DCC: variants seen among roughly 807,000 people sequenced by gnomAD.
DCC encodes netrin receptor DCC.
In DCC, 58 loss-of-function variants were observed where a neutral mutation model predicts 172.5. The ratio of observed to expected loss-of-function variants is 0.34; its 90% CI spans 0.27 to 0.42. The LOEUF (loss-of-function observed/expected upper bound fraction) is 0.42. Among genes scored for constraint, DCC ranks in the 10% least tolerant of loss-of-function variants. The pLI is 1.00. For missense variants in DCC, 1,740 were observed against 1,791.0 expected (o/e 0.97, Z 0.51); for synonymous variants, 709 against 644.5 (o/e 1.10, Z -1.52).
chr18:53,111,966 A>G (rs1314179833), intron 7 of DCC, among the ~76,000 whole-genome samples: 3 of 151,630 alleles, frequency 2.0e-5, no homozygotes, highest in Non-Finnish European at 4.4e-5. Flanking sequence ...AAAAAAGAGA[A>G]GAAAACACCC....
In DCC at chr18:52,879,462, C is replaced by A. The variant is rs11082955; in HGVS notation, c.413-26582C>A. Among the ~76,000 whole-genome samples the A allele has an allele frequency of 6.1e-5, 8 of 131,670 alleles. No homozygotes were observed. In the East Asian group the frequency reaches 7.3e-4, roughly 12 times the overall value. 86.4% of individuals were successfully genotyped at this position (131,670 alleles called of 152,430 possible). The stretch of plus-strand genomic sequence containing the variant: ...TTTTTGAGATGGAGTTTCACTCTGC[C>A]GCCCAGGCTGGAGTGCAGTGGCACG... On this transcript the variant is annotated intron_variant, in intron 2 of 28. Coordinates refer to ENST00000442544, the MANE Select transcript of DCC (RefSeq NM_005215.4).
At chr18:52,406,701 A>G (rs1323012924) in intron 1 of DCC, among the ~76,000 whole-genome samples, 1 of 152,102 alleles carries the variant, frequency 6.6e-6, no homozygotes, top group African/African-American at 2.4e-5. Context: ...TGTAAATTTT[A>G]TATGGAATCT....
chr18:53,524,690 T>G (rs972740582), intron 27 of DCC, among the ~76,000 whole-genome samples: 10 of 152,122 alleles, frequency 6.6e-5, no homozygotes, highest in Middle Eastern at 3.4e-3. Flanking sequence ...ATCCCCAGAT[T>G]TATAGTCCTT....
At chr18:53,161,613 C>T (rs999092675) in intron 8 of DCC, among the ~76,000 whole-genome samples, 8 of 152,130 alleles carry the variant, frequency 5.3e-5, no homozygotes, top group Non-Finnish European at 1.2e-4. Context: ...CAATATCCCA[C>T]GAGCATCTAA....
chr18:53,353,231 G>A (rs1254748967), intron 15 of DCC, among the ~76,000 whole-genome samples: 5 of 149,640 alleles, frequency 3.3e-5, no homozygotes, highest in African/African-American at 9.8e-5. Context: ...CCGAGATCAC[G>A]CCATTGCACT....
intron 4 of DCC, 93 bp downstream of exon 4, chr18:52,923,950 T>C: frequency 1.1e-6 from 1 of 895,908 alleles, no homozygotes; most frequent in South Asian, 1.4e-5. Context: ...GTACCTACAG[T>C]ACTAGGGTTT....
Position 53,500,923 on chromosome 18 carries a change from T to G in DCC, c.4111+1413T>G, listed in dbSNP as rs556119912. Among the ~76,000 whole-genome samples the G allele has an allele frequency of 3.9e-5, 6 of 152,208 alleles. No individual in the cohort carries two copies. The East Asian group carries it at 7.7e-4, about 20-fold the overall frequency. ...TACACACTCCACACATACTACATTA[T>G]GGGGAGGATCTGCTACTTTATATGG... On this transcript the variant is annotated intron_variant, in intron 27 of 28. Transcript: ENST00000442544.
chr18:53,326,301 T>C (rs1449262298), intron 14 of DCC, among the ~76,000 whole-genome samples: 4 of 152,162 alleles, frequency 2.6e-5, no homozygotes, highest in Admixed American at 1.3e-4. Context: ...TTAGACATAA[T>C]GAAAACTGAA....
chr18:53,269,580 A>C (rs2056724787), intron 12 of DCC, among the ~76,000 whole-genome samples: 1 of 152,230 alleles, frequency 6.6e-6, no homozygotes, highest in Non-Finnish European at 1.5e-5. Flanking sequence ...TGGCAATTAC[A>C]TTAATCATTG....
chr18:52,807,064 G>A (rs370868369), intron 2 of DCC, among the ~76,000 whole-genome samples: 14 of 152,148 alleles, frequency 9.2e-5, no homozygotes, highest in South Asian at 6.2e-4. Flanking sequence ...GCTTGGTGGC[G>A]CGTGCCTGTA....
At chr18:53,112,647 C>A (rs1402385456) in intron 7 of DCC, among the ~76,000 whole-genome samples, 2 of 151,478 alleles carry the variant, frequency 1.3e-5, no homozygotes, top group Non-Finnish European at 3.0e-5. Flanking sequence ...GACCTTGAGA[C>A]ATGTTTTTTA....
chr18:52,545,324 C>G (rs529908422), intron 1 of DCC, among the ~76,000 whole-genome samples: 1 of 152,316 alleles, frequency 6.6e-6, no homozygotes, highest in African/African-American at 2.4e-5. Flanking sequence ...CTGAAGAGAG[C>G]AGGCTTTTGC....
At chr18:52,466,044 C>A (rs149413013) in intron 1 of DCC, among the ~76,000 whole-genome samples, 2 of 152,172 alleles carry the variant, frequency 1.3e-5, no homozygotes, top group East Asian at 3.9e-4. Context: ...ATTGCATTAC[C>A]AGAATGGATT....
intron 15 of DCC, among the ~76,000 whole-genome samples, chr18:53,376,287 G>A (rs189341822): frequency 3.9e-4 from 59 of 152,126 alleles, no homozygotes; most frequent in Non-Finnish European, 7.2e-4. Context: ...GGGAGACTGA[G>A]GCAGGAAAAT....
chr18:53,083,200 C>T (rs1299950071), intron 7 of DCC, among the ~76,000 whole-genome samples: 1 of 152,040 alleles, frequency 6.6e-6, no homozygotes, highest in African/African-American at 2.4e-5. Context: ...ATAGGAGTGA[C>T]AATTGGTGTG....
intron 2 of DCC, among the ~76,000 whole-genome samples, chr18:52,787,637 T>C (rs1244872041): frequency 6.6e-6 from 1 of 152,108 alleles, no homozygotes; most frequent in Non-Finnish European, 1.5e-5. Flanking sequence ...TTACCTCTTT[T>C]CTGAAAGTTT....
chr18:53,063,517 C>A, intron 6 of DCC, 58 bp downstream of exon 6: 2 of 1,377,178 alleles, frequency 1.5e-6, no homozygotes, highest in Non-Finnish European at 2.0e-6. Context: ...CTATTTTTTT[C>A]ACTTGTTTTT....
At chr18:52,820,208 G>A (rs2038381184) in intron 2 of DCC, among the ~76,000 whole-genome samples, 2 of 152,126 alleles carry the variant, frequency 1.3e-5, no homozygotes, top group Non-Finnish European at 2.9e-5. Flanking sequence ...AAATGACCAA[G>A]TATTTGTGGT....
At chr18:53,429,798 A>G (rs1911493476) in intron 21 of DCC, among the ~76,000 whole-genome samples, 1 of 152,142 alleles carries the variant, frequency 6.6e-6, no homozygotes, top group Non-Finnish European at 1.5e-5. Context: ...TAGCAGTAAC[A>G]ATGTATTTTC....
Sources: gnomAD v4.1 joint callset for allele counts (sites outside exome capture counted in the v4.1 genomes callset) on GRCh38, gnomAD v4.1.1 for gene constraint, MANE v1.5 for transcripts, NCBI Gene and HGNC (gene_info 2026-07-23, HGNC 2026-07-21) for gene names.